The following NME7 variants were observed in gnomAD, a reference collection of about 807,000 sequenced individuals.
The protein encoded by NME7 is nucleoside diphosphate kinase 7.
A neutral mutation model predicts 49.1 loss-of-function variants in NME7; 41 were observed. That is an observed-to-expected ratio of 0.83 (90% CI 0.65 to 1.08). The LOEUF is 1.08. Ranked by LOEUF, NME7 falls within the 50% of genes least tolerant of loss-of-function variation. The probability of loss-of-function intolerance (pLI) is 0.00; values close to 1 mark genes in which losing one functional copy is unlikely to be tolerated. For missense variants in NME7, 423 were observed against 463.4 expected (o/e 0.91, Z 0.80); for synonymous variants, 139 against 150.6 (o/e 0.92, Z 0.56).
rs368781584 is a variant in NME7, at chr1:169,273,707, C to T, written c.754+13596G>A. ...ATTCCCATCTATGAGTGAGAACATG[C>T]GGTGTTTGGTTTTTTGTCCTTGCGA... On this transcript the variant is annotated intron_variant, in intron 7 of 11. Transcript: ENST00000367811. 4.0e-5 allele frequency among the ~76,000 whole-genome samples: 5 copies of T among 125,534 alleles called. 2 individuals carry two copies. Among genetic ancestry groups the T allele is most frequent in the Admixed American group, 8.0e-5 (1 of 12,498 alleles). The allele number at this position is 125,534 out of a possible 152,430, so 82.4% of individuals were successfully genotyped here.
In NME7 at chr1:169,266,380, C is replaced by A. The variant is rs927091385; in HGVS notation, c.754+20923G>T. Among the ~76,000 whole-genome samples, 6 of 132,706 alleles carry A rather than the reference C, an allele frequency of 4.5e-5. 1 individual carries two copies. Among genetic ancestry groups the A allele is most frequent in the African/African-American group, 1.5e-4 (6 of 39,318 alleles). 87.1% of individuals were successfully genotyped at this position (132,706 alleles called of 152,430 possible). On this transcript the variant is annotated intron_variant, in intron 7 of 11. Coordinates refer to ENST00000367811, the MANE Select transcript of NME7 (RefSeq NM_013330.5). ...ACAGGAACCACAGATGCAGAAAAAG[C>A]CTTTGATAAAATTCAGCATCCCCTC...
At chr1:169,172,352 G>A (rs564536905) in intron 10 of NME7, among the ~76,000 whole-genome samples, 174 of 61,634 alleles carry the variant, frequency 2.8e-3, no homozygotes, top group South Asian at 0.025. Flanking sequence ...GTGTGTGTGT[G>A]TGTATGTGTA....
At chr1:169,216,464 A>G (rs1660976651) in intron 10 of NME7, among the ~76,000 whole-genome samples, 2 of 152,240 alleles carry the variant, frequency 1.3e-5, no homozygotes, top group Non-Finnish European at 2.9e-5. Context: ...ACCCAGAGAC[A>G]GCATGGAAAC....
At chr1:169,183,770 C>A (rs2101752130) in intron 10 of NME7, among the ~76,000 whole-genome samples, 1 of 151,980 alleles carries the variant, frequency 6.6e-6, no homozygotes, top group South Asian at 2.1e-4. Context: ...CCACTGTGCT[C>A]CAGCCTAGGC....
At chr1:169,181,363 CTACACA>C in intron 10 of NME7, among the ~76,000 whole-genome samples, 1 of 101,802 alleles carries the variant, frequency 9.8e-6, no homozygotes, top group East Asian at 5.0e-4. Context: ...CCTCAAATTC[CTACACA>C]CACACACACA....
chr1:169,324,513 A>G lies in NME7; in HGVS notation c.4-13T>C, dbSNP rs375969684. On this transcript the variant is annotated splice_polypyrimidine_tract_variant and intron_variant, in intron 1 of 11. Transcript: ENST00000367811. Reference sequence around the variant, plus strand: ...TTTCACTATGATTCTGCAAAGAAAGACAGAAGAATTTTAACACTAACATAT... The same window carrying G: ...TTTCACTATGATTCTGCAAAGAAAGGCAGAAGAATTTTAACACTAACATAT... 12 of 1,532,058 alleles carry G rather than the reference A, an allele frequency of 7.8e-6. No homozygotes were observed. The highest frequency in any genetic ancestry group is 1.1e-5 in the Non-Finnish European group (12 of 1,106,884). The allele number at this position is 1,532,058 out of a possible 1,614,324, so 94.9% of individuals were successfully genotyped here.
At chr1:169,251,572 T>TTA (rs1553250311) in intron 7 of NME7, among the ~76,000 whole-genome samples, 54 of 132,148 alleles carry the variant, frequency 4.1e-4, no homozygotes, top group Non-Finnish European at 6.3e-4. Context: ...TTTTTTTTTT[T>TTA]ATTATACTTT....
At chr1:169,212,779 T>G (rs1660863689) in intron 10 of NME7, among the ~76,000 whole-genome samples, 1 of 151,862 alleles carries the variant, frequency 6.6e-6, no homozygotes, top group African/African-American at 2.4e-5. Flanking sequence ...CAGCTAAGGT[T>G]TTTTTGTTTT....
At chr1:169,172,988 A>C (rs2101736647) in intron 10 of NME7, among the ~76,000 whole-genome samples, 1 of 152,312 alleles carries the variant, frequency 6.6e-6, no homozygotes, top group Admixed American at 6.5e-5. Context: ...ACACACAGTA[A>C]ATGTTTGGTA....
chr1:169,231,944 G>A (rs1291129377), intron 9 of NME7, among the ~76,000 whole-genome samples: 1 of 151,162 alleles, frequency 6.6e-6, no homozygotes, highest in Non-Finnish European at 1.5e-5. Flanking sequence ...ACAGTATCCA[G>A]TAAAAAAATT....
At chr1:169,151,255 AG>A (rs1442425425) in intron 11 of NME7, among the ~76,000 whole-genome samples, 1 of 152,130 alleles carries the variant, frequency 6.6e-6, no homozygotes, top group Non-Finnish European at 1.5e-5. Flanking sequence ...CCCTTCACCA[AG>A]GCCTTGGAAG....
intron 1 of NME7, among the ~76,000 whole-genome samples, chr1:169,336,154 A>G (rs1652460158): frequency 6.7e-6 from 1 of 150,028 alleles, no homozygotes; most frequent in African/African-American, 2.5e-5. Flanking sequence ...CTCTTAAGAC[A>G]GCGCGTCCGG....
intron 11 of NME7, among the ~76,000 whole-genome samples, chr1:169,148,034 G>A (rs1164786526): frequency 6.6e-6 from 1 of 150,900 alleles, no homozygotes; most frequent in Non-Finnish European, 1.5e-5. Flanking sequence ...ACAGAGTCTC[G>A]CTCTGTTGCC....
intron 7 of NME7, among the ~76,000 whole-genome samples, chr1:169,250,462 G>A (rs114729845): frequency 0.012 from 1,883 of 151,998 alleles, 24 homozygotes; most frequent in Middle Eastern, 0.024. Flanking sequence ...TGTTGCTGCT[G>A]TTTCAAATTC....
At chr1:169,263,969 T>A (rs1289636681) in intron 7 of NME7, among the ~76,000 whole-genome samples, 2 of 133,506 alleles carry the variant, frequency 1.5e-5, no homozygotes, top group Admixed American at 1.5e-4. Context: ...GAAAAGGAAT[T>A]CCAACCAAAA....
intron 5 of NME7, among the ~76,000 whole-genome samples, chr1:169,299,983 T>C (rs933923740): frequency 1.3e-5 from 2 of 152,128 alleles, no homozygotes; most frequent in Non-Finnish European, 2.9e-5. Flanking sequence ...TCAAGACACT[T>C]ACAATCTAAC....
rs371608003 is a variant in NME7 at position 169,251,636 on chromosome 1, T to A, written c.755-13949A>T. ...CAGGTTAGTTACATATGTATACATGTGCCATGCTGGTGCACTGCACCCACT... is the reference window on the plus strand; with the variant it reads ...CAGGTTAGTTACATATGTATACATGAGCCATGCTGGTGCACTGCACCCACT... On this transcript the variant is annotated intron_variant, in intron 7 of 11. Coordinates refer to ENST00000367811, the MANE Select transcript of NME7 (RefSeq NM_013330.5). Among the ~76,000 whole-genome samples the A allele has an allele frequency of 5.3e-5, 8 of 149,544 alleles. No homozygotes were observed. In the East Asian group the frequency reaches 1.4e-3, roughly 27 times the overall value.
chr1:169,348,889 G>A (rs1363251401), intron 1 of NME7, among the ~76,000 whole-genome samples: 2 of 72,814 alleles, frequency 2.7e-5, no homozygotes, highest in African/African-American at 1.1e-4. Flanking sequence ...AAAAGAAAGA[G>A]TTAACTCAAA....
intron 1 of NME7, among the ~76,000 whole-genome samples, chr1:169,359,672 T>C (rs1653591216): frequency 1.3e-5 from 2 of 152,044 alleles, no homozygotes; most frequent in Non-Finnish European, 2.9e-5. Flanking sequence ...TAAACATATA[T>C]AAAACATATA....
Sources: allele counts gnomAD v4.1 joint callset (sites outside exome capture counted in the v4.1 genomes callset), GRCh38; gene constraint gnomAD v4.1.1; transcripts MANE v1.5; gene names NCBI Gene and HGNC (gene_info 2026-07-23, HGNC 2026-07-21).